The following SPEF2 variants were observed in gnomAD, a reference collection of about 807,000 sequenced individuals.
SPEF2 encodes the protein sperm flagella and cilia-associated protein 2.
Under a neutral mutation model 224.6 loss-of-function variants are expected in SPEF2, and 187 were observed. The ratio of observed to expected loss-of-function variants is 0.83; its 90% confidence interval spans 0.74 to 0.94. The LOEUF (loss-of-function observed/expected upper bound fraction) is 0.94. Ranked by LOEUF, SPEF2 falls within the 40% of genes least tolerant of loss-of-function variation. The pLI is 0.00. For missense variants in SPEF2, 2,170 were observed against 2,135.6 expected (o/e 1.02, Z -0.32); for synonymous variants, 715 against 707.3 (o/e 1.01, Z -0.17).
At chr5:35,703,870 G>A (rs554117441) in intron 16 of SPEF2, among the ~76,000 whole-genome samples, 10 of 152,234 alleles carry the variant, frequency 6.6e-5, no homozygotes, top group Middle Eastern at 3.4e-3. Flanking sequence ...TCATTTGCTC[G>A]AACTCTATTA....
At chr5:35,814,363 G>T (rs1758710925) in intron 36 of SPEF2, 101 bp from the exon 37 acceptor site, 1 of 539,976 alleles carries the variant, frequency 1.9e-6, no homozygotes, top group Non-Finnish European at 3.0e-6. Context: ...ACTGTTTAAT[G>T]GTTGCCATGT....
intron 17 of SPEF2, 135 bp from the exon 18 acceptor site, chr5:35,705,516 T>A (rs541998805): frequency 1.7e-6 from 1 of 596,710 alleles, no homozygotes; most frequent in South Asian, 3.0e-5. Flanking sequence ...CTAAAATAAA[T>A]AACATTGTTT....
chr5:35,719,472 A>C (rs1743214153), intron 20 of SPEF2, among the ~76,000 whole-genome samples: 1 of 152,156 alleles, frequency 6.6e-6, no homozygotes, highest in Admixed American at 6.5e-5. Context: ...TTTTGATGGA[A>C]GTCTGTTCCA....
In SPEF2 at chr5:35,790,003, C is replaced by A. The variant is rs566809742; in HGVS notation, c.4448-2337C>A. ...AAAACTTGGGAGTCTCAATCTTTTACATTTCTTCTCCTCCCTCCTAGATTT... is the reference window on the plus strand; with the variant it reads ...AAAACTTGGGAGTCTCAATCTTTTAAATTTCTTCTCCTCCCTCCTAGATTT... On this transcript the variant is annotated intron_variant, in intron 30 of 36. Transcript: ENST00000356031. The A allele has an allele frequency of 1.3e-4, 92 of 700,210 alleles. 1 individual carries two copies. The South Asian group carries it at 1.3e-3, about 10-fold the overall frequency. 43.4% of individuals were successfully genotyped at this position (700,210 alleles called of 1,614,324 possible). A position where few individuals can be genotyped will look rare whatever the true frequency, so the allele number is the denominator to read the frequency against.
intron 19 of SPEF2, chr5:35,710,005 A>G (rs1740777458): frequency 2.0e-6 from 2 of 981,008 alleles, no homozygotes; most frequent in Admixed American, 6.2e-5. Flanking sequence ...TTTAAAATTA[A>G]ACTTATTCAT....
intron 20 of SPEF2, among the ~76,000 whole-genome samples, chr5:35,726,268 C>A (rs1180478996): frequency 6.6e-6 from 1 of 152,176 alleles, no homozygotes; most frequent in East Asian, 1.9e-4. Flanking sequence ...AAAAGAAACT[C>A]ATTCCAGTCT....
intron 34 of SPEF2, among the ~76,000 whole-genome samples, chr5:35,804,065 T>G (rs926629085): frequency 2.6e-4 from 40 of 152,320 alleles, no homozygotes; most frequent in African/African-American, 9.4e-4. Flanking sequence ...ATTGCAAAAG[T>G]CTTGTAAAAA....
In SPEF2 at chr5:35,627,057, C is replaced by T. The variant is rs534273263; in HGVS notation, c.59-1403C>T. Among the ~76,000 whole-genome samples the T allele has an allele frequency of 2.2e-3, 329 of 150,810 alleles. 2 individuals are homozygous for T. Among genetic ancestry groups the T allele is most frequent in the Non-Finnish European group, 3.2e-3 (220 of 67,838 alleles). ...CTGCAATGACATATAATATTTTAAC[C>T]GATGTTAAAATATTATATTTAATAT... On this transcript the variant is annotated intron_variant, in intron 1 of 36. Coordinates refer to ENST00000356031, the MANE Select transcript of SPEF2 (RefSeq NM_024867.4).
intron 21 of SPEF2, among the ~76,000 whole-genome samples, chr5:35,729,939 TG>T (rs1745355066): frequency 6.6e-6 from 1 of 152,196 alleles, no homozygotes; most frequent in South Asian, 2.1e-4. Context: ...CATGTGGAAC[TG>T]TAAGTCCAAT....
In SPEF2 at chr5:35,641,415, A is replaced by T. The variant is rs896026657; in HGVS notation, c.162-16A>T. On this transcript the variant is annotated splice_polypyrimidine_tract_variant and intron_variant, in intron 2 of 36. Transcript: ENST00000356031. ...TAATGCTAATGTCTAATTATGTAAA[A>T]TATTTTACTGTCCAGGGTTTCAAGT... 7 of 1,597,594 alleles carry T rather than the reference A, an allele frequency of 4.4e-6. No individual in the cohort carries two copies. The highest frequency in any genetic ancestry group is 6.0e-6 in the Non-Finnish European group (7 of 1,173,296).
In SPEF2 at chr5:35,692,610, A is replaced by G. The variant is rs761206707; in HGVS notation, c.1785A>G (p.Gln595=). 6.2e-7 allele frequency: 1 copy of G among 1,613,674 alleles called. No individual in the cohort carries two copies. Among genetic ancestry groups the G allele is most frequent in the African/African-American group, 1.3e-5 (1 of 75,034 alleles). ...TACTTTCTATTGACACTCTTGTCCA[A>G]GAAGCTATCCAAGCATTTCATGACA... ...IQILSIDTLV[Q]EAIQAFHDNE... is the part of the protein sequence containing the mutation. The change falls in exon 12 of 37, where the codon CAA becomes CAG. Residue 595 remains glutamine (Q), a synonymous_variant. Transcript: ENST00000356031.
chr5:35,684,111 TGTAAA>T (rs545710129), intron 10 of SPEF2: 9 of 152,266 alleles, frequency 5.9e-5, no homozygotes, highest in Non-Finnish European at 1.0e-4. Context: ...ATAATAAATA[TGTAAA>T]GTAGAGATCT....
chr5:35,759,005 C>CAAAAAAAA (rs57893412), intron 24 of SPEF2, among the ~76,000 whole-genome samples: 14 of 51,236 alleles, frequency 2.7e-4, no homozygotes, highest in East Asian at 1.2e-3. Context: ...GACTCTGTCT[C>CAAAAAAAA]AAAAAAAAAA....
At chr5:35,724,147 G>A (rs77336806) in intron 20 of SPEF2, among the ~76,000 whole-genome samples, 2,100 of 152,138 alleles carry the variant, frequency 0.014, 45 homozygotes, top group African/African-American at 0.049. Flanking sequence ...GAGTCAAAAT[G>A]AATAAAGAAG....
chr5:35,723,780 A>G (rs1409464519), intron 20 of SPEF2, among the ~76,000 whole-genome samples: 2 of 152,228 alleles, frequency 1.3e-5, no homozygotes, highest in Non-Finnish European at 2.9e-5. Flanking sequence ...ATTAATTTCT[A>G]AAATAGATTT....
chr5:35,706,550 A>G (rs1383147437), intron 18 of SPEF2, among the ~76,000 whole-genome samples: 1 of 152,080 alleles, frequency 6.6e-6, no homozygotes, highest in Non-Finnish European at 1.5e-5. Flanking sequence ...TTTGTTTATC[A>G]ATTACCCCAA....
intron 36 of SPEF2, chr5:35,808,193 T>C (rs1305222830): frequency 1.1e-6 from 1 of 936,302 alleles, no homozygotes; most frequent in Non-Finnish European, 1.3e-6. Context: ...AAATATTAAA[T>C]TATTAATTAA....
At chr5:35,753,894 TGAGCTCCAACTC>T in intron 24 of SPEF2, 133 bp downstream of exon 24, 1 of 1,109,832 alleles carries the variant, frequency 9.0e-7, no homozygotes, top group Non-Finnish European at 1.3e-6. Context: ...ATGCCTGGTA[TGAGCTCCAACTC>T]ACCAAAAAAG....
intron 21 of SPEF2, among the ~76,000 whole-genome samples, chr5:35,734,200 C>G: frequency 6.6e-6 from 1 of 152,192 alleles, no homozygotes; most frequent in East Asian, 1.9e-4. Flanking sequence ...GTCTTACCCA[C>G]TTCTCAGATG....
Sources: gnomAD v4.1 joint callset for allele counts (sites outside exome capture counted in the v4.1 genomes callset) on GRCh38, gnomAD v4.1.1 for gene constraint, MANE v1.5 for transcripts, NCBI Gene and HGNC (gene_info 2026-07-23, HGNC 2026-07-21) for gene names.